The following HDAC4 variants were observed in gnomAD, a reference collection of about 807,000 sequenced individuals.
The protein encoded by HDAC4 is histone deacetylase 4.
A neutral mutation model predicts 135.1 loss-of-function variants in HDAC4; 16 were observed. The ratio of observed to expected loss-of-function variants is 0.12; its 90% CI spans 0.08 to 0.18. The LOEUF is 0.18. HDAC4 is among the 10% of genes least tolerant of loss of function. HDAC4 has a pLI of 1.00. For missense variants in HDAC4, 1,143 were observed against 1,511.8 expected (o/e 0.76, Z 4.05); for synonymous variants, 685 against 653.4 (o/e 1.05, Z -0.74).
At chr2:239,310,085 C>G (rs1353323973) in intron 2 of HDAC4, among the ~76,000 whole-genome samples, 3 of 152,264 alleles carry the variant, frequency 2.0e-5, no homozygotes, top group Admixed American at 2.0e-4. Flanking sequence ...CGTAGAGGTG[C>G]TCAGAATCAA....
chr2:239,154,772 T>G (rs1177879889), intron 7 of HDAC4: 1 of 152,172 alleles, frequency 6.6e-6, no homozygotes, highest in Non-Finnish European at 1.5e-5. Context: ...TCTAAATCCG[T>G]TCTTTCTGTC....
chr2:239,387,814 C>A (rs1287191556), intron 1 of HDAC4, among the ~76,000 whole-genome samples: 2 of 152,222 alleles, frequency 1.3e-5, no homozygotes. Context: ...AAGAGTGCGC[C>A]CCTGGAGGAG....
intron 1 of HDAC4, among the ~76,000 whole-genome samples, chr2:239,389,288 T>G (rs1203678993): frequency 6.6e-6 from 1 of 152,168 alleles, no homozygotes; most frequent in African/African-American, 2.4e-5. Flanking sequence ...GTGGAAGCTT[T>G]GTTCTTTCGA....
chr2:239,120,443 ACATG>A (rs951281034), intron 12 of HDAC4, among the ~76,000 whole-genome samples: 27 of 140,050 alleles, frequency 1.9e-4, no homozygotes, highest in Non-Finnish European at 3.7e-4. Context: ...AAATAGACAG[ACATG>A]CAGATACATA....
rs374759145 is a variant in HDAC4, at chr2:239,084,247, G to A, written c.2445-5C>T. On this transcript the variant is annotated splice_polypyrimidine_tract_variant and splice_region_variant and intron_variant, in intron 19 of 26. Coordinates refer to ENST00000543185, the MANE Select transcript of HDAC4 (RefSeq NM_001378414.1). ...GAGTTGAAGTAGCAAAAGCCCCTGC[G>A]GGAGAGAACTGACGCTGGAGACGAA... is the stretch of plus-strand genomic sequence containing the variant. 24 of 1,607,054 alleles carry A rather than the reference G, an allele frequency of 1.5e-5. No individual in the cohort carries two copies. The highest frequency in any genetic ancestry group is 8.0e-5 in the African/African-American group (6 of 74,704).
chr2:239,333,012 G>GA (rs1299974280), intron 2 of HDAC4, among the ~76,000 whole-genome samples: 2 of 152,094 alleles, frequency 1.3e-5, no homozygotes, highest in African/African-American at 4.8e-5. Context: ...ACTGACACAA[G>GA]AAAATCTTAA....
chr2:239,231,443 G>C (rs934466663), intron 3 of HDAC4, among the ~76,000 whole-genome samples: 4 of 130,404 alleles, frequency 3.1e-5, no homozygotes, highest in Admixed American at 8.0e-5. Flanking sequence ...CTGAGGCTCT[G>C]GCTTTCCTTC....
At chr2:239,282,456 TACCACTCTCAATGTACAC>T (rs2050840592) in intron 2 of HDAC4, among the ~76,000 whole-genome samples, 1 of 134,510 alleles carries the variant, frequency 7.4e-6, no homozygotes, top group Non-Finnish European at 1.6e-5. Context: ...TCAATGTACA[TACCACTCTCAATGTACAC>T]ACCACTCTAC....
In HDAC4 at chr2:239,400,499, C is replaced by A. The variant is rs1486479067; in HGVS notation, c.-220+479G>T. ...CGCGGGTGGAAAGGTCCAGAAGGGG[C>A]CGGGCGGCCCTGGGGACCGGCGGGT... On this transcript the variant is annotated intron_variant, in intron 1 of 26. Transcript: ENST00000543185. The surrounding 1 kb of genome is among the most constrained non-coding windows in gnomAD (Gnocchi z 4.7). 1.4e-5 allele frequency: 2 copies of A among 146,050 alleles called. No homozygotes were observed. The highest frequency in any genetic ancestry group is 2.5e-5 in the African/African-American group (1 of 40,750). 9.0% of individuals were successfully genotyped at this position (146,050 alleles called of 1,614,324 possible). A position where few individuals can be genotyped will look rare whatever the true frequency, so the allele number is the denominator to read the frequency against.
At position 239,240,987 on chromosome 2, in the gene HDAC4, C is replaced by T. The variant is rs560770358; in HGVS notation, c.23-4323G>A. Among the ~76,000 whole-genome samples the T allele has an allele frequency of 1.5e-3, 224 of 152,320 alleles. No homozygotes were observed. The highest frequency in any genetic ancestry group is 5.2e-3 in the African/African-American group (217 of 41,570). On this transcript the variant is annotated intron_variant, in intron 2 of 26. Coordinates refer to ENST00000543185, the MANE Select transcript of HDAC4 (RefSeq NM_001378414.1). The surrounding 1 kb of genome is among the most constrained non-coding windows in gnomAD (Gnocchi z 4.5). ...GAGCCAAAGGAACCTCACTTTCACC[C>T]GGAGGGCCCAGGCCCCCCACTTCAC...
At chr2:239,379,721 G>A (rs978251122) in intron 1 of HDAC4, among the ~76,000 whole-genome samples, 10 of 152,194 alleles carry the variant, frequency 6.6e-5, no homozygotes, top group Admixed American at 5.9e-4. Flanking sequence ...TGGGGTAAGC[G>A]CCCTTTCTCC....
Position 239,066,862 on chromosome 2 carries a change from C to T in HDAC4, c.2870-7G>A, listed in dbSNP as rs778813350. The T allele has an allele frequency of 9.4e-5, 151 of 1,611,784 alleles. No homozygotes were observed. The highest frequency in any genetic ancestry group is 2.3e-4 in the African/African-American group (17 of 74,908). On this transcript the variant is annotated splice_region_variant and splice_polypyrimidine_tract_variant and intron_variant, in intron 23 of 26. Coordinates refer to ENST00000543185, the MANE Select transcript of HDAC4 (RefSeq NM_001378414.1). Reference sequence around the variant, plus strand: ...TTCGTCAGGTACCCGAAGCCTGCAACGGGAAACGGGAGACTGCAGTGTGAA... The same window carrying T: ...TTCGTCAGGTACCCGAAGCCTGCAATGGGAAACGGGAGACTGCAGTGTGAA...
chr2:239,063,333 T>C (rs2033045304), intron 24 of HDAC4, among the ~76,000 whole-genome samples: 2 of 151,938 alleles, frequency 1.3e-5, no homozygotes, highest in South Asian at 4.1e-4. Context: ...CCCGAGTAGC[T>C]GGGACTACAG....
chr2:239,238,963 CAAG>C (rs1409510687), intron 2 of HDAC4, among the ~76,000 whole-genome samples: 2 of 152,278 alleles, frequency 1.3e-5, no homozygotes, highest in East Asian at 3.9e-4. Context: ...GCTGGCACAC[CAAG>C]GAGAATGCCG....
chr2:239,150,296 TAC>T (rs891443151), intron 7 of HDAC4, among the ~76,000 whole-genome samples: 1 of 149,320 alleles, frequency 6.7e-6, no homozygotes, highest in African/African-American at 2.5e-5. Flanking sequence ...CACAGGTACA[TAC>T]ACAGATATAC....
At chr2:239,316,861 C>G (rs147646427) in intron 2 of HDAC4, among the ~76,000 whole-genome samples, 21 of 152,314 alleles carry the variant, frequency 1.4e-4, no homozygotes, top group African/African-American at 5.1e-4. Context: ...CTGGCTGCTA[C>G]ACAGTTCTGG....
rs547326676 is a variant in HDAC4, at chr2:239,391,006, C to T, written c.-220+9972G>A. Reference sequence around the variant, plus strand: ...TCTCCCAGCACACTGGGAAGCATGACAGACGGCAAAGCCGTGGCACAGTGT... The same window carrying T: ...TCTCCCAGCACACTGGGAAGCATGATAGACGGCAAAGCCGTGGCACAGTGT... On this transcript the variant is annotated intron_variant, in intron 1 of 26. Transcript: ENST00000543185. Among the ~76,000 whole-genome samples the T allele has an allele frequency of 4.6e-5, 7 of 152,384 alleles. No homozygotes were observed. In the East Asian group the frequency reaches 1.3e-3, roughly 29 times the overall value.
At chr2:239,104,565 CAT>C (rs2037953017) in intron 15 of HDAC4, among the ~76,000 whole-genome samples, 1 of 152,342 alleles carries the variant, frequency 6.6e-6, no homozygotes, top group African/African-American at 2.4e-5. Flanking sequence ...AGGAAGCCCA[CAT>C]GTGTGTACAG....
intron 8 of HDAC4, among the ~76,000 whole-genome samples, chr2:239,140,700 C>T (rs760162643): frequency 7.2e-5 from 11 of 152,172 alleles, no homozygotes; most frequent in Admixed American, 2.0e-4. Flanking sequence ...ATATGCGCAG[C>T]GCATACAGGT....
Sources: allele counts gnomAD v4.1 joint callset (sites outside exome capture counted in the v4.1 genomes callset), GRCh38; gene constraint gnomAD v4.1.1; non-coding constraint Gnocchi (gnomAD v3.1); transcripts MANE v1.5; gene names NCBI Gene and HGNC (gene_info 2026-07-23, HGNC 2026-07-21).